Variants in TTC3 observed in about 807,000 individuals in gnomAD.
The protein encoded by TTC3 is E3 ubiquitin-protein ligase TTC3.
TTC3 carries 180 observed loss-of-function variants against 249.6 expected under a neutral mutation model. The observed-to-expected ratio is 0.72, with a 90% CI of 0.64 to 0.82. The LOEUF is 0.82. Among genes scored for constraint, TTC3 ranks in the 40% least tolerant of loss-of-function variants. The pLI is 0.00. For missense variants in TTC3, 2,061 were observed against 2,398.4 expected (o/e 0.86, Z 2.94); for synonymous variants, 717 against 805.0 (o/e 0.89, Z 1.85).
exon 46 of TTC3, chr21:37,203,008 C>T (rs1475689618): frequency 6.6e-6 from 1 of 152,182 alleles, no homozygotes; most frequent in Non-Finnish European, 1.5e-5. Flanking sequence ...AGAGGAACAT[C>T]CGTTGAATGA....
intron 35 of TTC3, among the ~76,000 whole-genome samples, chr21:37,173,500 T>C (rs1258508921): frequency 6.6e-6 from 1 of 152,122 alleles, no homozygotes; most frequent in African/African-American, 2.4e-5. Context: ...ATTGAATTAG[T>C]GAGAAAATGG....
intron 8 of TTC3, among the ~76,000 whole-genome samples, chr21:37,094,296 G>GTCTT (rs1389121189): frequency 6.6e-6 from 1 of 152,122 alleles, no homozygotes; most frequent in African/African-American, 2.4e-5. Flanking sequence ...AAAAACTTTA[G>GTCTT]TCTTTAATGA....
At position 37,103,092 on chromosome 21, in the gene TTC3, C is replaced by T. The variant is rs554020690; in HGVS notation, c.846-5300C>T. Among the ~76,000 whole-genome samples, 230 of 152,276 alleles carry T rather than the reference C, an allele frequency of 1.5e-3. 2 individuals are homozygous for T. The highest frequency in any genetic ancestry group is 5.1e-3 in the African/African-American group (212 of 41,560). ...CACCATTAGATAAATTATTATTCAT[C>T]ATCTGGGGATGTTAGCCAAGGGTGG... On this transcript the variant is annotated intron_variant, in intron 10 of 45. Coordinates refer to ENST00000355666, the Ensembl canonical transcript of TTC3.
chr21:37,188,347 A>G, intron 38 of TTC3, 148 bp from the exon 39 acceptor site: 1 of 559,210 alleles, frequency 1.8e-6, no homozygotes, highest in African/African-American at 1.9e-5. Flanking sequence ...ATTCATGTTC[A>G]CCTATGATAC....
chr21:37,075,639 A>G (rs1155785), intron 1 of TTC3, among the ~76,000 whole-genome samples: 69,357 of 152,068 alleles, frequency 0.46, 16,343 homozygotes, highest in Non-Finnish European at 0.52. Context: ...GGTTGCTGCT[A>G]AATTTGCTTG....
chr21:37,087,909 G>A (rs1158047787), intron 3 of TTC3, 34 bp downstream of exon 3: 1 of 1,520,438 alleles, frequency 6.6e-7, no homozygotes. Flanking sequence ...GTTAATTTAT[G>A]GAAAGACTAC....
At chr21:37,143,038 G>C (rs904599251) in intron 20 of TTC3, among the ~76,000 whole-genome samples, 1 of 152,202 alleles carries the variant, frequency 6.6e-6, no homozygotes, top group African/African-American at 2.4e-5. Flanking sequence ...AAACTGGCTA[G>C]CCATATGTAG....
intron 10 of TTC3, among the ~76,000 whole-genome samples, chr21:37,102,029 A>G (rs1568918940): frequency 1.6e-5 from 2 of 122,520 alleles, no homozygotes; most frequent in East Asian, 4.5e-4. Context: ...ATACCTATGC[A>G]ATGATTATCT....
intron 25 of TTC3, among the ~76,000 whole-genome samples, chr21:37,151,310 C>T (rs2079444219): frequency 6.6e-6 from 1 of 152,050 alleles, no homozygotes. Context: ...AATGTACTGT[C>T]TAAATTATTA....
intron 21 of TTC3, 22 bp from the exon 22 acceptor site, chr21:37,147,459 A>AT: frequency 6.3e-7 from 1 of 1,586,970 alleles, no homozygotes. Flanking sequence ...TAATGGTATC[A>AT]TTTTTGTTTA....
chr21:37,139,661 A>G (rs1056564888), intron 19 of TTC3, among the ~76,000 whole-genome samples: 2 of 152,086 alleles, frequency 1.3e-5, no homozygotes, highest in African/African-American at 4.8e-5. Context: ...CTCTAATTCT[A>G]TTTTCCAAGA....
At chr21:37,151,903 C>G in exon 26 of TTC3, 1 of 1,591,680 alleles carries the variant, frequency 6.3e-7, no homozygotes, top group Non-Finnish European at 8.5e-7. Flanking sequence ...CCTAGAGAAA[C>G]TAAGACTGAA....
intron 19 of TTC3, among the ~76,000 whole-genome samples, chr21:37,139,656 A>G (rs2078255213): frequency 6.6e-6 from 1 of 152,090 alleles, no homozygotes; most frequent in Non-Finnish European, 1.5e-5. Flanking sequence ...ATGCTCTCTA[A>G]TTCTATTTTC....
intron 10 of TTC3, among the ~76,000 whole-genome samples, chr21:37,104,551 T>C (rs180810144): frequency 1.0e-4 from 15 of 145,086 alleles, no homozygotes; most frequent in African/African-American, 3.9e-4. Flanking sequence ...AGTAGCGCCA[T>C]TGCGCTCCAG....
intron 41 of TTC3, among the ~76,000 whole-genome samples, chr21:37,193,124 C>T (rs984904706): frequency 5.3e-5 from 8 of 152,176 alleles, no homozygotes; most frequent in African/African-American, 1.9e-4. Context: ...AGGAGACTCT[C>T]TCCCAGCACC....
intron 35 of TTC3, among the ~76,000 whole-genome samples, chr21:37,181,544 G>A (rs1015349905): frequency 6.6e-6 from 1 of 152,230 alleles, no homozygotes; most frequent in Non-Finnish European, 1.5e-5. Flanking sequence ...CAAGGTTGCA[G>A]CTAAGAAGAT....
At position 37,103,397 on chromosome 21, in the gene TTC3, A is replaced by G. The variant is rs1352075804; in HGVS notation, c.846-4995A>G. 2.6e-5 allele frequency among the ~76,000 whole-genome samples: 4 copies of G among 152,240 alleles called. No homozygotes were observed. The South Asian group carries it at 8.3e-4, about 32-fold the overall frequency. On this transcript the variant is annotated intron_variant, in intron 10 of 45. Coordinates refer to ENST00000355666, the Ensembl canonical transcript of TTC3. ...GCATCTGGAGTCTTGTCCCATTTTC[A>G]TACATCTCTTGCACAGGGGATTGCT...
chr21:37,119,497 C>T (rs1386469423), intron 11 of TTC3, among the ~76,000 whole-genome samples: 1 of 152,144 alleles, frequency 6.6e-6, no homozygotes, highest in Non-Finnish European at 1.5e-5. Context: ...AGGGGTCCCT[C>T]TGGAGTTCTC....
intron 27 of TTC3, among the ~76,000 whole-genome samples, chr21:37,154,407 A>T (rs2079793362): frequency 6.6e-6 from 1 of 152,256 alleles, no homozygotes; most frequent in Non-Finnish European, 1.5e-5. Flanking sequence ...ACAGCTGAAC[A>T]TGCCTGCTTT....
Sources: gnomAD v4.1 joint callset for allele counts (sites outside exome capture counted in the v4.1 genomes callset) on GRCh38, gnomAD v4.1.1 for gene constraint, MANE v1.5 for transcripts, NCBI Gene and HGNC (gene_info 2026-07-23, HGNC 2026-07-21) for gene names.